SLC45A4: variants seen among roughly 807,000 people sequenced by gnomAD.
SLC45A4 encodes solute carrier family 45 member 4.
In SLC45A4, 32 loss-of-function variants were observed where a neutral mutation model predicts 63.7. The ratio of observed to expected loss-of-function variants is 0.50; its 90% CI spans 0.38 to 0.67. SLC45A4 has a LOEUF of 0.67. SLC45A4 is among the 30% of genes least tolerant of loss of function. The pLI is 0.00. For missense variants in SLC45A4, 1,027 were observed against 1,157.7 expected (o/e 0.89, Z 1.64); for synonymous variants, 535 against 510.0 (o/e 1.05, Z -0.66).
At chr8:141,267,658 G>A (rs1458282373) in intron 1 of SLC45A4, among the ~76,000 whole-genome samples, 1 of 152,172 alleles carries the variant, frequency 6.6e-6, no homozygotes, top group Non-Finnish European at 1.5e-5. Flanking sequence ...GGGAAAAGAT[G>A]GCAAAAAGTC....
At chr8:141,238,678 C>T (rs1827747359) in intron 2 of SLC45A4, among the ~76,000 whole-genome samples, 1 of 152,214 alleles carries the variant, frequency 6.6e-6, no homozygotes, top group Non-Finnish European at 1.5e-5. Flanking sequence ...CTTCCAGCAT[C>T]CACCACCCAT....
rs941012702 is a variant in SLC45A4, at chr8:141,254,699, C to T, written c.-400-70G>A. On this transcript the variant is annotated intron_variant, in intron 1 of 8. Transcript: ENST00000517878. This position sits in a 1 kb window ranked among gnomAD's most constrained non-coding sequence, Gnocchi z 4.5. ...CACCAGATGGCCCTGTGGACCGCCG[C>T]CCGACCCCCGAGCAAGCCGTGTGCC... The T allele has an allele frequency of 8.7e-6, 6 of 692,664 alleles. No individual in the cohort carries two copies. The highest frequency in any genetic ancestry group is 2.3e-4 in the Middle Eastern group (1 of 4,318). The allele number at this position is 692,664 out of a possible 1,614,324, so 42.9% of individuals were successfully genotyped here.
Position 141,207,869 on chromosome 8 carries a change from G to C in SLC45A4, c.*3703C>G, listed in dbSNP as rs955195097. On this transcript the variant is annotated 3_prime_UTR_variant, in exon 9 of 9. Coordinates refer to ENST00000517878, the MANE Select transcript of SLC45A4 (RefSeq NM_001286646.2). The stretch of plus-strand genomic sequence containing the variant: ...TGGGCCCCCAACATGCTGTGTGCAC[G>C]GGCCTTGTTCAACTCGGAACTGAAC... 6.6e-6 allele frequency: 1 copy of C among 152,356 alleles called. No homozygotes were observed. The highest frequency in any genetic ancestry group is 2.1e-4 in the South Asian group (1 of 4,834). The allele number at this position is 152,356 out of a possible 1,614,324, so 9.4% of individuals were successfully genotyped here.
rs1040926309 is a variant in SLC45A4 at position 141,256,631 on chromosome 8, C to T, written c.-400-2002G>A. ...CCCTACATCTTCTTTCACGCTGCAG[C>T]GGAAACCAGAATGCCTACTAATTCC... On this transcript the variant is annotated intron_variant, in intron 1 of 8. Coordinates refer to ENST00000517878, the MANE Select transcript of SLC45A4 (RefSeq NM_001286646.2). This position sits in a 1 kb window ranked among gnomAD's most constrained non-coding sequence, Gnocchi z 4.3. 2.0e-5 allele frequency: 9 copies of T among 456,138 alleles called. No individual in the cohort carries two copies. Among genetic ancestry groups the T allele is most frequent in the East Asian group, 1.4e-4 (2 of 14,394 alleles). The allele number at this position is 456,138 out of a possible 1,614,324, so 28.3% of individuals were successfully genotyped here.
chr8:141,264,841 T>C (rs1829193686), intron 1 of SLC45A4, among the ~76,000 whole-genome samples: 1 of 152,222 alleles, frequency 6.6e-6, no homozygotes, highest in Non-Finnish European at 1.5e-5. Flanking sequence ...ATGACAGCTG[T>C]TAAGTGTTGT....
intron 2 of SLC45A4, chr8:141,224,254 T>A (rs1264277298): frequency 6.6e-6 from 1 of 152,202 alleles, no homozygotes; most frequent in Non-Finnish European, 1.5e-5. Flanking sequence ...GATCCTTTTT[T>A]CTCTGGCTGC....
At chr8:141,262,837 C>A (rs1195155496) in intron 1 of SLC45A4, among the ~76,000 whole-genome samples, 44 of 149,900 alleles carry the variant, frequency 2.9e-4, no homozygotes, top group African/African-American at 9.8e-4. Context: ...CTAGAAATAC[C>A]ATTTGACCCA....
chr8:141,286,275 C>T (rs528209741), intron 1 of SLC45A4, among the ~76,000 whole-genome samples: 4 of 152,234 alleles, frequency 2.6e-5, no homozygotes, highest in Admixed American at 6.5e-5. Flanking sequence ...GGAGAATGGG[C>T]GGTGGTGGTT....
At chr8:141,295,832 A>G (rs150249938) in intron 1 of SLC45A4, among the ~76,000 whole-genome samples, 1 of 152,360 alleles carries the variant, frequency 6.6e-6, no homozygotes, top group Non-Finnish European at 1.5e-5. Context: ...AGCAGCCAGC[A>G]GCCCTGCACC....
chr8:141,253,072 C>T (rs28643551), intron 2 of SLC45A4: 39,263 of 147,098 alleles, frequency 0.27, 6,408 homozygotes, highest in East Asian at 0.39. Flanking sequence ...CGCCCACCTG[C>T]GAGTGTCTGT....
At chr8:141,244,421 G>A (rs528998531) in intron 2 of SLC45A4, among the ~76,000 whole-genome samples, 4 of 152,316 alleles carry the variant, frequency 2.6e-5, no homozygotes, top group South Asian at 4.1e-4. Flanking sequence ...CAAGTCACTC[G>A]TTCAGTCCTG....
intron 2 of SLC45A4, among the ~76,000 whole-genome samples, chr8:141,235,167 C>A (rs545484916): frequency 1.2e-4 from 19 of 152,320 alleles, no homozygotes; most frequent in African/African-American, 3.4e-4. Context: ...AGCCCCCGAC[C>A]CACAGCAGCA....
At chr8:141,295,500 C>T (rs1830510934) in intron 1 of SLC45A4, among the ~76,000 whole-genome samples, 1 of 152,264 alleles carries the variant, frequency 6.6e-6, no homozygotes, top group Non-Finnish European at 1.5e-5. Context: ...AACTACCGCA[C>T]TCAGCAGGGG....
At chr8:141,281,280 A>G (rs1829929521) in intron 1 of SLC45A4, among the ~76,000 whole-genome samples, 1 of 152,186 alleles carries the variant, frequency 6.6e-6, no homozygotes, top group African/African-American at 2.4e-5. Flanking sequence ...CGGAGGGTGC[A>G]GTGAGCTGAG....
At position 141,274,365 on chromosome 8, in the gene SLC45A4, C is replaced by G. The variant is rs143452202; in HGVS notation, c.-400-19736G>C. 1.8e-3 allele frequency among the ~76,000 whole-genome samples: 279 copies of G among 151,778 alleles called. 4 individuals carry two copies. Among genetic ancestry groups the G allele is most frequent in the African/African-American group, 6.5e-3 (267 of 41,354 alleles). The stretch of plus-strand genomic sequence containing the variant: ...CCTGGCCAACATGGTAAAACCCAGT[C>G]TCTGTTAAAAATACAAAAATAAGCT... On this transcript the variant is annotated intron_variant, in intron 1 of 8. Transcript: ENST00000517878.
chr8:141,225,377 T>A (rs572864095), intron 2 of SLC45A4: 1 of 152,362 alleles, frequency 6.6e-6, no homozygotes, highest in African/African-American at 2.4e-5. Flanking sequence ...TGGAGTTAAC[T>A]ATCCAAGTTT....
At chr8:141,271,933 C>G (rs957009000) in intron 1 of SLC45A4, among the ~76,000 whole-genome samples, 3 of 151,792 alleles carry the variant, frequency 2.0e-5, no homozygotes, top group African/African-American at 7.3e-5. Flanking sequence ...CAACACACAC[C>G]TGCATTCACA....
intron 1 of SLC45A4, among the ~76,000 whole-genome samples, chr8:141,280,072 G>A (rs930649187): frequency 1.3e-5 from 2 of 152,162 alleles, no homozygotes; most frequent in Non-Finnish European, 2.9e-5. Flanking sequence ...ACATCAGTTC[G>A]ACTCCCCAGG....
intron 2 of SLC45A4, among the ~76,000 whole-genome samples, chr8:141,253,525 T>G (rs1451756964): frequency 6.6e-6 from 1 of 152,244 alleles, no homozygotes; most frequent in Non-Finnish European, 1.5e-5. Flanking sequence ...CCTGGGACCC[T>G]CTTAGGGTTG....
Sources: allele counts gnomAD v4.1 joint callset (sites outside exome capture counted in the v4.1 genomes callset), GRCh38; gene constraint gnomAD v4.1.1; non-coding constraint Gnocchi (gnomAD v3.1); transcripts MANE v1.5; gene names NCBI Gene and HGNC (gene_info 2026-07-23, HGNC 2026-07-21).